LAMB1: variants seen among roughly 807,000 people sequenced by gnomAD.
LAMB1 encodes laminin subunit beta-1.
A neutral mutation model predicts 222.3 loss-of-function variants in LAMB1; 121 were observed. The observed-to-expected ratio is 0.54, with a 90% CI of 0.47 to 0.63. LAMB1 has a LOEUF of 0.63. Among genes scored for constraint, LAMB1 ranks in the 30% least tolerant of loss-of-function variants. The pLI, the probability that LAMB1 is intolerant of heterozygous loss-of-function variation, is 0.00. For missense variants in LAMB1, 2,172 were observed against 2,240.8 expected (o/e 0.97, Z 0.62); for synonymous variants, 794 against 807.2 (o/e 0.98, Z 0.28).
At chr7:107,926,479 A>T (rs1439986803) in intron 31 of LAMB1, 120 bp from the exon 32 acceptor site, 1 of 689,912 alleles carries the variant, frequency 1.4e-6, no homozygotes, top group African/African-American at 1.8e-5. Flanking sequence ...CAAAAGAAGT[A>T]ATTACTAAAA....
In LAMB1 at chr7:107,937,101, T is replaced by G; in HGVS notation, c.3938A>C (p.Asp1313Ala). 1.2e-6 allele frequency: 2 copies of G among 1,613,676 alleles called. No homozygotes were observed. The highest frequency in any genetic ancestry group is 2.2e-5 in the East Asian group (1 of 44,878). The stretch of plus-strand genomic sequence containing the variant: ...CACCAAAAAATGCTCACCCCGAATA[T>G]CTGAGTTTTTGATAAATTCCAGTTG... The part of the protein sequence containing the change: ...AEQLEFIKNS[D>A]IRGALDSITK... The change falls in exon 26 of 34, where the codon GAT (aspartate) becomes GCT (alanine). Residue 1313 changes from aspartate to alanine, a missense_variant. Coordinates refer to ENST00000222399, the MANE Select transcript of LAMB1 (RefSeq NM_002291.3).
Position 107,980,734 on chromosome 7 carries a change from T to C in LAMB1, c.754A>G (p.Met252Val). 6.2e-7 allele frequency: 1 copy of C among 1,612,952 alleles called. No homozygotes were observed. Among genetic ancestry groups the C allele is most frequent in the Admixed American group, 1.7e-5 (1 of 60,028 alleles). ...TLGDNLLDSR[M>V]EIREKYYYAV... is the part of the protein sequence containing the mutation. Reference sequence around the variant, plus strand: ...TAATAATACTTTTCTCTGATTTCCATCCTGGAATCCAGAAGGTTATCTCCC... The same window carrying C: ...TAATAATACTTTTCTCTGATTTCCACCCTGGAATCCAGAAGGTTATCTCCC... Residue 252 changes from methionine (M) to valine (V), a missense_variant, in exon 8 of 34, where the codon ATG becomes GTG. By Grantham distance (21) the Met-to-Val change is conservative. Transcript: ENST00000222399.
At chr7:107,963,177 T>C in intron 14 of LAMB1, 114 bp from the exon 15 acceptor site, 1 of 963,806 alleles carries the variant, frequency 1.0e-6, no homozygotes, top group South Asian at 1.8e-5. Flanking sequence ...CTACCTTATG[T>C]CTATTTTTTA....
intron 27 of LAMB1, among the ~76,000 whole-genome samples, chr7:107,933,633 A>G (rs955708044): frequency 2.0e-5 from 3 of 152,040 alleles, no homozygotes; most frequent in African/African-American, 7.3e-5. Flanking sequence ...GGCTCTAGCT[A>G]AACATCCACA....
At position 107,960,640 on chromosome 7, in the gene LAMB1, T is replaced by G. The variant is rs2150428043; in HGVS notation, c.2119A>C (p.Met707Leu). ...PYTLIDSLVLMPYCKSLDIFT... is the reference protein window; with the variant it reads ...PYTLIDSLVLLPYCKSLDIFT... ...ATGTCCAGTGATTTACAGTATGGCA[T>G]GAGAACAAGCTGTGAAGAAATGAGA... is the stretch of plus-strand genomic sequence containing the variant. Residue 707 changes from methionine to leucine, a missense_variant, in exon 18 of 34, where the codon ATG becomes CTG. Coordinates refer to ENST00000222399, the MANE Select transcript of LAMB1 (RefSeq NM_002291.3). The G allele has an allele frequency of 6.2e-7, 1 of 1,614,180 alleles. No homozygotes were observed. The highest frequency in any genetic ancestry group is 2.2e-5 in the East Asian group (1 of 44,890).
chr7:107,933,605 A>AAG (rs2032764038), intron 27 of LAMB1, among the ~76,000 whole-genome samples: 1 of 147,370 alleles, frequency 6.8e-6, no homozygotes, highest in African/African-American at 2.6e-5. Flanking sequence ...CAGACATGGA[A>AAG]AAAAAAAAAC....
chr7:107,951,965 C>CACACG, intron 23 of LAMB1, 44 bp downstream of exon 23: 9 of 1,527,030 alleles, frequency 5.9e-6, no homozygotes, highest in Non-Finnish European at 8.0e-6. Flanking sequence ...CATGGGCTGA[C>CACACG]ACCTGAGCTC....
chr7:107,984,211 GA>G (rs2034029048), intron 7 of LAMB1, among the ~76,000 whole-genome samples: 1 of 152,080 alleles, frequency 6.6e-6, no homozygotes, highest in Admixed American at 6.5e-5. Context: ...TCTGGCCAAT[GA>G]GATGTGAGCA....
At chr7:107,935,361 T>TTTTTTTTG (rs2032820595) in intron 27 of LAMB1, 54 bp downstream of exon 27, 1 of 716,626 alleles carries the variant, frequency 1.4e-6, no homozygotes, top group African/African-American at 1.9e-5. Context: ...TTTTTTTTTT[T>TTTTTTTTG]TTTTTTTTTT....
At position 107,961,268 on chromosome 7, in the gene LAMB1, C is replaced by T; in HGVS notation, c.2047G>A (p.Glu683Lys). ...EKGTNYTVRL[E>K]LPQYTSSDSD... Reference sequence around the variant, plus strand: ...TCAGAGGAGGTGTACTGAGGCAGCTCCAACCTCACCGTGTAGTTTGTTCCC... The same window carrying T: ...TCAGAGGAGGTGTACTGAGGCAGCTTCAACCTCACCGTGTAGTTTGTTCCC... The change falls in exon 17 of 34, where the codon GAG becomes AAG. Residue 683 changes from glutamate to lysine, a missense_variant. Transcript: ENST00000222399. 6.2e-7 allele frequency: 1 copy of T among 1,614,022 alleles called. No individual in the cohort carries two copies. The highest frequency in any genetic ancestry group is 8.5e-7 in the Non-Finnish European group (1 of 1,179,986).
At chr7:107,944,705 A>AC (rs3216280) in intron 24 of LAMB1, among the ~76,000 whole-genome samples, 5 of 151,912 alleles carry the variant, frequency 3.3e-5, no homozygotes, top group South Asian at 4.2e-4. Context: ...TTGTAAAAAG[A>AC]CCCCCTCCAC....
intron 24 of LAMB1, among the ~76,000 whole-genome samples, chr7:107,941,053 T>C (rs1387055449): frequency 6.6e-6 from 1 of 152,250 alleles, no homozygotes; most frequent in Non-Finnish European, 1.5e-5. Context: ...GCCATTGTGA[T>C]GACCACTGCC....
At chr7:107,971,284 T>C (rs1220473033) in intron 13 of LAMB1, among the ~76,000 whole-genome samples, 1 of 152,230 alleles carries the variant, frequency 6.6e-6, no homozygotes, top group Non-Finnish European at 1.5e-5. Context: ...ATCTTTTATT[T>C]TTAAATTCTA....
At chr7:107,987,273 G>A (rs944559477) in intron 5 of LAMB1, among the ~76,000 whole-genome samples, 24 of 152,190 alleles carry the variant, frequency 1.6e-4, no homozygotes, top group Non-Finnish European at 2.5e-4. Flanking sequence ...ACACAAAGTT[G>A]ATTAGCAGTT....
At chr7:107,995,653 G>GGTCA (rs770106386) in intron 4 of LAMB1, among the ~76,000 whole-genome samples, 3 of 152,076 alleles carry the variant, frequency 2.0e-5, no homozygotes, top group Non-Finnish European at 4.4e-5. Flanking sequence ...TTGCCCTGAG[G>GGTCA]GTCAGTCAGT....
At chr7:107,934,491 T>C (rs1420057852) in intron 27 of LAMB1, among the ~76,000 whole-genome samples, 1 of 152,132 alleles carries the variant, frequency 6.6e-6, no homozygotes, top group African/African-American at 2.4e-5. Flanking sequence ...TCAGTTAGGC[T>C]TTTTTGGGGC....
intron 31 of LAMB1, among the ~76,000 whole-genome samples, chr7:107,927,168 GCTAAAA>G (rs1201166807): frequency 6.6e-6 from 1 of 152,060 alleles, no homozygotes; most frequent in Non-Finnish European, 1.5e-5. Flanking sequence ...TAAGACATAG[GCTAAAA>G]TTTGTAAATA....
chr7:107,975,508 C>T (rs2033834788), intron 10 of LAMB1, 95 bp from the exon 11 acceptor site: 1 of 1,333,964 alleles, frequency 7.5e-7, no homozygotes, highest in South Asian at 1.5e-5. Flanking sequence ...CTAAATCTCA[C>T]AAAAGTCGAC....
At chr7:107,965,369 T>C (rs1227206686) in intron 13 of LAMB1, among the ~76,000 whole-genome samples, 1 of 152,098 alleles carries the variant, frequency 6.6e-6, no homozygotes, top group Non-Finnish European at 1.5e-5. Flanking sequence ...CACCTGAGGT[T>C]GGGAGTTCGA....
Sources: allele counts gnomAD v4.1 joint callset (sites outside exome capture counted in the v4.1 genomes callset), GRCh38; gene constraint gnomAD v4.1.1; transcripts MANE v1.5; gene names NCBI Gene and HGNC (gene_info 2026-07-23, HGNC 2026-07-21).